Variants in RAI1 observed in about 807,000 individuals in gnomAD.
RAI1 encodes the protein retinoic acid induced 1.
RAI1 carries 9 observed loss-of-function variants against 123.8 expected under a neutral mutation model. That is an observed-to-expected ratio of 0.07 (90% CI 0.04 to 0.13). RAI1 has a LOEUF of 0.13. RAI1 is among the 10% of genes least tolerant of loss of function. The pLI is 1.00. For synonymous variants in RAI1, 1,231 were observed against 1,127.3 expected (o/e 1.09, Z -1.84); for missense variants, 2,256 against 2,545.8 (o/e 0.89, Z 2.45).
chr17:17,775,876 G>T (rs1476795019), intron 2 of RAI1, among the ~76,000 whole-genome samples: 2 of 152,200 alleles, frequency 1.3e-5, no homozygotes, highest in African/African-American at 4.8e-5. Context: ...CATTGATTCT[G>T]AGAAAAACAT....
intron 2 of RAI1, among the ~76,000 whole-genome samples, chr17:17,775,560 A>G (rs2031313441): frequency 2.2e-5 from 2 of 89,442 alleles, no homozygotes; most frequent in South Asian, 5.1e-4. Context: ...TGTTATATGT[A>G]TTATTTACTG....
At chr17:17,767,618 G>A (rs1342279822) in intron 2 of RAI1, among the ~76,000 whole-genome samples, 4 of 152,188 alleles carry the variant, frequency 2.6e-5, no homozygotes, top group African/African-American at 9.7e-5. Context: ...GAAAAAAAAT[G>A]TCTTTGGAAG....
chr17:17,784,217 C>A (rs948741697), intron 2 of RAI1, among the ~76,000 whole-genome samples: 1 of 152,162 alleles, frequency 6.6e-6, no homozygotes, highest in African/African-American at 2.4e-5. Context: ...CCCGCTCCCC[C>A]AGGTGGAACG....
chr17:17,708,623 T>C (rs1006695118), intron 1 of RAI1, among the ~76,000 whole-genome samples: 4 of 152,068 alleles, frequency 2.6e-5, no homozygotes, highest in African/African-American at 7.2e-5. Flanking sequence ...CTGGGTTGCA[T>C]CTTGACTCAG....
At chr17:17,770,058 C>G (rs529668548) in intron 2 of RAI1, among the ~76,000 whole-genome samples, 1 of 152,106 alleles carries the variant, frequency 6.6e-6, no homozygotes, top group African/African-American at 2.4e-5. Context: ...GGCAGGGTCT[C>G]CCCTGGAACC....
intron 2 of RAI1, among the ~76,000 whole-genome samples, chr17:17,731,760 G>C (rs1276704702): frequency 6.6e-6 from 1 of 152,160 alleles, no homozygotes; most frequent in African/African-American, 2.4e-5. Flanking sequence ...GCAGGGACCT[G>C]ACCATCTCCC....
intron 2 of RAI1, among the ~76,000 whole-genome samples, chr17:17,749,115 G>A (rs144148096): frequency 2.6e-5 from 4 of 152,338 alleles, no homozygotes; most frequent in African/African-American, 9.6e-5. Flanking sequence ...TCCAGAAAGA[G>A]GCTGAATGGC....
chr17:17,803,307 A>G (rs2032521651), intron 3 of RAI1, among the ~76,000 whole-genome samples: 2 of 152,156 alleles, frequency 1.3e-5, no homozygotes, highest in South Asian at 4.1e-4. Context: ...TCCTTCTGGT[A>G]GATTTTCAAG....
rs2032459994 is a variant in RAI1, at chr17:17,801,464, G to GT, written c.5566-2291dup. ...TGAGGGTGGTTGGGGCCTCCGTGCAGTAAGTGGAGAGAAGCCTTCAGCCAG... is the reference window on the plus strand; with the variant it reads ...TGAGGGTGGTTGGGGCCTCCGTGCAGTTAAGTGGAGAGAAGCCTTCAGCCAG... On this transcript the variant is annotated intron_variant, in intron 3 of 5. Coordinates refer to ENST00000353383, the MANE Select transcript of RAI1 (RefSeq NM_030665.4). The surrounding 1 kb of genome is among the most constrained non-coding windows in gnomAD (Gnocchi z 4.1). Among the ~76,000 whole-genome samples, 2 of 152,216 alleles carry GT rather than the reference G, an allele frequency of 1.3e-5. No homozygotes were observed. Among genetic ancestry groups the GT allele is most frequent in the African/African-American group, 2.4e-5 (1 of 41,454 alleles).
intron 4 of RAI1, among the ~76,000 whole-genome samples, chr17:17,804,471 G>A (rs886623274): frequency 1.3e-5 from 2 of 152,226 alleles, no homozygotes; most frequent in Admixed American, 6.5e-5. Context: ...ACCGTGCATG[G>A]GCTGGAGCCA....
Position 17,798,183 on chromosome 17 carries a change from T to G in RAI1, c.5235T>G (p.Cys1745Trp), listed in dbSNP as rs763000754. The change falls in exon 3 of 6, where the codon TGT (cysteine) becomes TGG (tryptophan). Residue 1745 changes from cysteine (C) to tryptophan (W), a missense_variant. By Grantham distance (215) the Cys-to-Trp change is radical. This residue lies in a region of RAI1 where 243 missense variants were observed against 316.6 expected (regional missense o/e 0.77). Transcript: ENST00000353383. ...PLERTLKGPE[C>W]AAAATAGKPP... ...AGAGAACACTCAAAGGTCCCGAGTG[T>G]GCAGCTGCCGCCACTGCCGGGAAGC... 5.5e-5 allele frequency: 88 copies of G among 1,611,910 alleles called. No individual in the cohort carries two copies. In the South Asian group the frequency reaches 6.9e-4, roughly 13 times the overall value.
Position 17,795,429 on chromosome 17 carries a change from G to A in RAI1, c.2481G>A (p.Gln827=). The A allele has an allele frequency of 6.3e-7, 1 of 1,588,382 alleles. No individual in the cohort carries two copies. The highest frequency in any genetic ancestry group is 8.6e-7 in the Non-Finnish European group (1 of 1,165,366). ...AGGAGGAGGCAGGTGGGCTGCTGCA[G>A]TGCCCCGAGGTGGCCAAGGCTGACC... ...GVKEEAGGLL[Q]CPEVAKADRW... Residue 827 remains glutamine, a synonymous_variant, in exon 3 of 6, where the codon CAG becomes CAA. Transcript: ENST00000353383. The surrounding 1 kb of genome is among the most constrained non-coding windows in gnomAD (Gnocchi z 5.9).
In RAI1 at chr17:17,810,155, G is replaced by A. The variant is rs543167667; in HGVS notation, c.*174G>A. Reference sequence around the variant, plus strand: ...ATCCGGCCGCCTAGGGCTCAGACTTGCGGCCCCGGGTTGGGAGGAAAACCC... The same window carrying A: ...ATCCGGCCGCCTAGGGCTCAGACTTACGGCCCCGGGTTGGGAGGAAAACCC... On this transcript the variant is annotated 3_prime_UTR_variant, in exon 6 of 6. Coordinates refer to ENST00000353383, the MANE Select transcript of RAI1 (RefSeq NM_030665.4). The surrounding 1 kb of genome is among the most constrained non-coding windows in gnomAD (Gnocchi z 4.6). 6.3e-6 allele frequency: 6 copies of A among 945,340 alleles called. No individual in the cohort carries two copies. In the East Asian group the frequency reaches 1.4e-4, roughly 22 times the overall value. 58.6% of individuals were successfully genotyped at this position (945,340 alleles called of 1,614,324 possible). A position where few individuals can be genotyped will look rare whatever the true frequency, so the allele number is the denominator to read the frequency against.
intron 1 of RAI1, among the ~76,000 whole-genome samples, chr17:17,692,448 C>T (rs1914873075): frequency 6.6e-6 from 1 of 152,188 alleles, no homozygotes; most frequent in African/African-American, 2.4e-5. Context: ...TTATTAACTG[C>T]CCTATATCCA....
At chr17:17,744,766 G>A (rs1276609864) in intron 2 of RAI1, among the ~76,000 whole-genome samples, 1 of 144,286 alleles carries the variant, frequency 6.9e-6, no homozygotes, top group African/African-American at 2.8e-5. Context: ...CTCCAGCCTG[G>A]GTGACAGGTT....
At chr17:17,719,151 T>C (rs1402604484) in intron 1 of RAI1, among the ~76,000 whole-genome samples, 1 of 152,148 alleles carries the variant, frequency 6.6e-6, no homozygotes, top group East Asian at 1.9e-4. Context: ...GCCCCACATC[T>C]GCCCTCTTCA....
chr17:17,810,075 A>C lies in RAI1; in HGVS notation c.*94A>C. 6.8e-7 allele frequency: 1 copy of C among 1,480,090 alleles called. No homozygotes were observed. Among genetic ancestry groups the C allele is most frequent in the Non-Finnish European group, 9.1e-7 (1 of 1,099,848 alleles). 91.7% of individuals were successfully genotyped at this position (1,480,090 alleles called of 1,614,324 possible). ...CGCCTGCGCAGCCCCCGGGCCTTTG[A>C]GCTGCTCCCAGCGCTGGTCCAGAGC... is the stretch of plus-strand genomic sequence containing the variant. On this transcript the variant is annotated 3_prime_UTR_variant, in exon 6 of 6. Transcript: ENST00000353383. This position sits in a 1 kb window ranked among gnomAD's most constrained non-coding sequence, Gnocchi z 4.6.
At chr17:17,692,193 A>G (rs1173323354) in intron 1 of RAI1, among the ~76,000 whole-genome samples, 2 of 152,206 alleles carry the variant, frequency 1.3e-5, no homozygotes, top group Non-Finnish European at 2.9e-5. Context: ...CCTAGGCAGG[A>G]CAGGAGCCTG....
At chr17:17,700,705 G>A (rs1419897777) in intron 1 of RAI1, among the ~76,000 whole-genome samples, 1 of 152,090 alleles carries the variant, frequency 6.6e-6, no homozygotes, top group East Asian at 1.9e-4. Context: ...GCCGCAGTCC[G>A]GCCCCTCTCG....
Sources: allele counts gnomAD v4.1 joint callset (sites outside exome capture counted in the v4.1 genomes callset), GRCh38; gene constraint gnomAD v4.1.1; regional missense constraint gnomAD v4.1.1; non-coding constraint Gnocchi (gnomAD v3.1); transcripts MANE v1.5; gene names NCBI Gene and HGNC (gene_info 2026-07-23, HGNC 2026-07-21).